Variants in SPAG16 observed in about 807,000 individuals in gnomAD.
The protein encoded by SPAG16 is sperm-associated antigen 16 protein.
SPAG16 carries 86 observed loss-of-function variants against 80.4 expected under a neutral mutation model. The ratio of observed to expected loss-of-function variants is 1.07; its 90% confidence interval spans 0.90 to 1.28. The LOEUF is 1.28. Ranked by LOEUF, SPAG16 falls within the 50% of genes most tolerant of loss-of-function variation. The pLI, the probability that SPAG16 is intolerant of heterozygous loss-of-function variation, is 0.00. For missense variants in SPAG16, 870 were observed against 765.3 expected, an observed-to-expected ratio of 1.14 and a Z score of -1.61; for synonymous variants, 294 against 265.9, an observed-to-expected ratio of 1.11 and a Z score of -1.03.
chr2:213,943,275 C>G (rs2079289485), intron 12 of SPAG16, among the ~76,000 whole-genome samples: 1 of 152,074 alleles, frequency 6.6e-6, no homozygotes, highest in African/African-American at 2.4e-5. Flanking sequence ...TGGGTAGAGT[C>G]TGGAAAGATT....
At chr2:213,657,617 C>A (rs904951720) in intron 10 of SPAG16, among the ~76,000 whole-genome samples, 2 of 152,104 alleles carry the variant, frequency 1.3e-5, no homozygotes, top group Non-Finnish European at 2.9e-5. Context: ...GAATTCCTTT[C>A]AGCAGTGTGT....
chr2:213,349,031 C>A (rs549864837), intron 6 of SPAG16, among the ~76,000 whole-genome samples: 4 of 152,194 alleles, frequency 2.6e-5, no homozygotes, highest in African/African-American at 9.6e-5. Flanking sequence ...CTGACCACAA[C>A]CAAATTAAAT....
chr2:213,844,945 G>A (rs1487023083), intron 10 of SPAG16, among the ~76,000 whole-genome samples: 1 of 152,128 alleles, frequency 6.6e-6, no homozygotes, highest in African/African-American at 2.4e-5. Context: ...AATACACTAA[G>A]TGGCAGTGAA....
intron 15 of SPAG16, among the ~76,000 whole-genome samples, chr2:214,326,803 G>A (rs958088304): frequency 1.3e-5 from 2 of 151,844 alleles, no homozygotes; most frequent in African/African-American, 4.8e-5. Context: ...AAATTACCCG[G>A]GCGTGGTGGC....
chr2:214,351,356 A>G (rs1274033333), intron 15 of SPAG16, among the ~76,000 whole-genome samples: 3 of 152,000 alleles, frequency 2.0e-5, no homozygotes, highest in Admixed American at 1.3e-4. Flanking sequence ...CCTTCATGGT[A>G]TATTTATACA....
intron 10 of SPAG16, among the ~76,000 whole-genome samples, chr2:213,859,137 C>A (rs1434750373): frequency 3.2e-5 from 4 of 126,432 alleles, no homozygotes; most frequent in Admixed American, 3.0e-4. Flanking sequence ...CGAGATCACA[C>A]CACTGCTCTC....
chr2:213,950,933 G>A (rs2079738337), intron 12 of SPAG16, among the ~76,000 whole-genome samples: 1 of 151,186 alleles, frequency 6.6e-6, no homozygotes, highest in Non-Finnish European at 1.5e-5. Context: ...GGCTGGCCTT[G>A]AATTCCTGTG....
At chr2:214,128,340 T>G (rs2054596545) in intron 14 of SPAG16, among the ~76,000 whole-genome samples, 2 of 151,908 alleles carry the variant, frequency 1.3e-5, no homozygotes, top group Non-Finnish European at 2.9e-5. Flanking sequence ...GTTATTGGCA[T>G]GTTTTAGTTA....
chr2:213,544,982 C>G (rs925298902), intron 10 of SPAG16, among the ~76,000 whole-genome samples: 15 of 152,076 alleles, frequency 9.9e-5, no homozygotes, highest in Admixed American at 9.8e-4. Context: ...CTATAAACAT[C>G]CGTGTGCAGG....
chr2:213,778,599 A>C (rs1008124576), intron 10 of SPAG16, among the ~76,000 whole-genome samples: 3 of 152,142 alleles, frequency 2.0e-5, no homozygotes, highest in Non-Finnish European at 4.4e-5. Flanking sequence ...GCCATAAGTC[A>C]AGAGCTTACC....
intron 7 of SPAG16, among the ~76,000 whole-genome samples, chr2:213,353,270 A>T (rs1356607207): frequency 2.6e-5 from 4 of 152,186 alleles, no homozygotes; most frequent in Non-Finnish European, 5.9e-5. Context: ...TGGCCTCATT[A>T]TCCTAACCCT....
At chr2:213,349,925 C>T (rs191609766) in intron 6 of SPAG16, among the ~76,000 whole-genome samples, 8 of 152,146 alleles carry the variant, frequency 5.3e-5, no homozygotes, top group East Asian at 3.9e-4. Context: ...TGAACTGTAA[C>T]GCTTAAGAGC....
At chr2:213,426,902 T>G (rs1399444893) in intron 9 of SPAG16, among the ~76,000 whole-genome samples, 9 of 150,132 alleles carry the variant, frequency 6.0e-5, no homozygotes, top group Admixed American at 3.3e-4. Context: ...CTCTATAGGA[T>G]CCTTTATTTG....
intron 10 of SPAG16, among the ~76,000 whole-genome samples, chr2:213,769,302 A>G (rs994409556): frequency 3.3e-5 from 5 of 152,200 alleles, no homozygotes; most frequent in African/African-American, 1.2e-4. Context: ...TCTTTCTAGT[A>G]TAGTGAAAAT....
intron 12 of SPAG16, among the ~76,000 whole-genome samples, chr2:213,944,488 T>G (rs2079355003): frequency 6.6e-6 from 1 of 152,168 alleles, no homozygotes; most frequent in African/African-American, 2.4e-5. Context: ...ACTTAACGGG[T>G]TTCACACGTT....
At chr2:214,017,204 G>T (rs1189487075) in intron 13 of SPAG16, among the ~76,000 whole-genome samples, 3 of 152,160 alleles carry the variant, frequency 2.0e-5, no homozygotes, top group East Asian at 1.9e-4. Flanking sequence ...AAATCAGGAT[G>T]ATTTTTTGTT....
chr2:213,529,685 G>T (rs947857592), intron 10 of SPAG16, among the ~76,000 whole-genome samples: 1 of 152,130 alleles, frequency 6.6e-6, no homozygotes, highest in African/African-American at 2.4e-5. Context: ...CTAGGCAACT[G>T]TAACACAATG....
chr2:213,975,252 T>C (rs1175501049), intron 12 of SPAG16, among the ~76,000 whole-genome samples: 1 of 151,024 alleles, frequency 6.6e-6, no homozygotes. Context: ...TTCAAGTGCC[T>C]ATAGAATATT....
rs77316421 is a variant in SPAG16 at position 213,453,141 on chromosome 2, A to T, written c.943-36822A>T. Among the ~76,000 whole-genome samples the T allele has an allele frequency of 8.9e-3, 1,359 of 152,216 alleles. 22 individuals carry two copies. Among genetic ancestry groups the T allele is most frequent in the African/African-American group, 0.03 (1,257 of 41,518 alleles). ...TTTTCTTAGAACATTGCCTCAGTTT[A>T]TGGTTCTTGTATTGTAATAATACAC... On this transcript the variant is annotated intron_variant, in intron 9 of 15. Transcript: ENST00000331683.
Sources: allele counts gnomAD v4.1 joint callset (sites outside exome capture counted in the v4.1 genomes callset), GRCh38; gene constraint gnomAD v4.1.1; transcripts MANE v1.5; gene names NCBI Gene and HGNC (gene_info 2026-07-23, HGNC 2026-07-21).